Variants in ALDH1A2 observed in about 807,000 individuals in gnomAD.
ALDH1A2 encodes the protein retinal dehydrogenase 2.
A neutral mutation model predicts 60.3 loss-of-function variants in ALDH1A2; 27 were observed. The observed-to-expected ratio is 0.45, with a 90% confidence interval of 0.33 to 0.62. The LOEUF (loss-of-function observed/expected upper bound fraction) is 0.62. Among genes scored for constraint, ALDH1A2 ranks in the 20% least tolerant of loss-of-function variants. The pLI, the probability that ALDH1A2 is intolerant of heterozygous loss-of-function variation, is 0.02. For synonymous variants in ALDH1A2, 289 were observed against 232.4 expected (o/e 1.24, Z -2.21); for missense variants, 581 against 643.8 (o/e 0.90, Z 1.06).
chr15:57,989,762 C>T (rs1353222826), intron 7 of ALDH1A2, among the ~76,000 whole-genome samples: 2 of 151,588 alleles, frequency 1.3e-5, no homozygotes, highest in African/African-American at 4.9e-5. Context: ...TTTGAAGTAA[C>T]TAAACATTCA....
At chr15:57,956,213 AGAGGGGAG>A (rs1243026184) in intron 12 of ALDH1A2, among the ~76,000 whole-genome samples, 10 of 152,254 alleles carry the variant, frequency 6.6e-5, no homozygotes, top group South Asian at 2.1e-4. Context: ...AGGAAAGTAG[AGAGGGGAG>A]GAGGGAAGGA....
chr15:57,992,823 G>C lies in ALDH1A2; in HGVS notation c.685-5C>G, dbSNP rs1386487204. 6.2e-7 allele frequency: 1 copy of C among 1,613,968 alleles called. No individual in the cohort carries two copies. The highest frequency in any genetic ancestry group is 2.2e-5 in the East Asian group (1 of 44,890). On this transcript the variant is annotated splice_polypyrimidine_tract_variant and splice_region_variant and intron_variant, in intron 6 of 12. Transcript: ENST00000249750. ...GACCCCGGGAGGAAAGCCAGCCTAA[G>C]AAAACAGAACAGGAGGAAACGTGGC...
At chr15:57,982,075 T>C (rs1343018964) in intron 7 of ALDH1A2, among the ~76,000 whole-genome samples, 4 of 152,108 alleles carry the variant, frequency 2.6e-5, no homozygotes, top group African/African-American at 9.7e-5. Flanking sequence ...TTAATGTGGG[T>C]TAACAGATTA....
chr15:57,983,000 GTGT>G (rs1383945871), intron 7 of ALDH1A2, among the ~76,000 whole-genome samples: 3 of 152,116 alleles, frequency 2.0e-5, no homozygotes, highest in Non-Finnish European at 4.4e-5. Context: ...TCTTAGGGAT[GTGT>G]TGTTTGTTTT....
chr15:58,009,127 C>A (rs1452240690), intron 4 of ALDH1A2, among the ~76,000 whole-genome samples: 3 of 152,046 alleles, frequency 2.0e-5, no homozygotes, highest in Non-Finnish European at 4.4e-5. Context: ...AAAAATAATC[C>A]TTGGAAGTCT....
chr15:58,014,822 T>C (rs1895743007), intron 1 of ALDH1A2, among the ~76,000 whole-genome samples: 1 of 152,210 alleles, frequency 6.6e-6, no homozygotes, highest in South Asian at 2.1e-4. Flanking sequence ...CCAAGTTAGA[T>C]TTATTTCCCT....
Position 57,954,953 on chromosome 15 carries a change from T to A in ALDH1A2, c.*244A>T. On this transcript the variant is annotated 3_prime_UTR_variant, in exon 13 of 13. Transcript: ENST00000249750. Reference sequence around the variant, plus strand: ...ACTGGATGTGTCTGCTAGCTCCTCCTCCTCCCTTTATCCCACTTTCCCCAA... The same window carrying A: ...ACTGGATGTGTCTGCTAGCTCCTCCACCTCCCTTTATCCCACTTTCCCCAA... 1.7e-6 allele frequency: 1 copy of A among 582,996 alleles called. No homozygotes were observed. The allele number at this position is 582,996 out of a possible 1,614,324, so 36.1% of individuals were successfully genotyped here. A position where few individuals can be genotyped will look rare whatever the true frequency, so the allele number is the denominator to read the frequency against.
intron 7 of ALDH1A2, among the ~76,000 whole-genome samples, chr15:57,977,389 G>A (rs964569571): frequency 6.6e-6 from 1 of 152,156 alleles, no homozygotes; most frequent in African/African-American, 2.4e-5. Context: ...TTACGTTTAA[G>A]TCTTTAATCC....
intron 1 of ALDH1A2, among the ~76,000 whole-genome samples, chr15:58,051,476 T>C (rs1467974743): frequency 8.5e-5 from 13 of 152,060 alleles, no homozygotes; most frequent in African/African-American, 2.9e-4. Flanking sequence ...AACACAACAT[T>C]AGAAAACTCT....
intron 4 of ALDH1A2, among the ~76,000 whole-genome samples, chr15:58,002,358 A>C (rs1310146659): frequency 6.6e-6 from 1 of 151,958 alleles, no homozygotes; most frequent in Non-Finnish European, 1.5e-5. Context: ...GGGCCTTATC[A>C]AACTACACAG....
At chr15:58,053,265 T>C (rs74018835) in intron 1 of ALDH1A2, among the ~76,000 whole-genome samples, 368 of 152,296 alleles carry the variant, frequency 2.4e-3, no homozygotes, top group African/African-American at 8.5e-3. Context: ...TGAAGTCATG[T>C]GTGCCTATCA....
chr15:58,053,102 A>C (rs1337387562), intron 1 of ALDH1A2, among the ~76,000 whole-genome samples: 2 of 152,176 alleles, frequency 1.3e-5, no homozygotes, highest in African/African-American at 4.8e-5. Context: ...TAAAAATTTA[A>C]GTCCAAGAAA....
At chr15:58,045,991 T>C (rs564662506) in intron 1 of ALDH1A2, among the ~76,000 whole-genome samples, 1 of 152,076 alleles carries the variant, frequency 6.6e-6, no homozygotes, top group Non-Finnish European at 1.5e-5. Flanking sequence ...TTTCAAAGCG[T>C]CTTAGATTCT....
intron 12 of ALDH1A2, among the ~76,000 whole-genome samples, chr15:57,957,704 A>C (rs2140444120): frequency 6.6e-6 from 1 of 152,312 alleles, no homozygotes. Flanking sequence ...GCACACCTAG[A>C]GGCTTTAAGG....
chr15:57,955,541 T>C (rs1596060146), intron 12 of ALDH1A2, among the ~76,000 whole-genome samples: 1 of 152,252 alleles, frequency 6.6e-6, no homozygotes, highest in African/African-American at 2.4e-5. Context: ...TTCACAATAC[T>C]GCACAGACAG....
chr15:57,975,996 T>C (rs1240331155), intron 7 of ALDH1A2, among the ~76,000 whole-genome samples: 3 of 152,238 alleles, frequency 2.0e-5, no homozygotes, highest in Admixed American at 1.3e-4. Context: ...ATATCAATTA[T>C]ACTACAATAA....
chr15:58,014,188 C>T lies in ALDH1A2; in HGVS notation c.211G>A (p.Glu71Lys). The change falls in exon 2 of 13, where the codon GAA becomes AAA. Residue 71 changes from glutamate (E) to lysine (K), a missense_variant. Around this residue, in one of 2 missense-constraint regions of ALDH1A2, gnomAD observed 206 missense variants for 174.1 expected, o/e 1.18. Transcript: ENST00000249750. ...TACAAAAGACATACCTTGTCTGCTT[C>T]TTGAACTTCACACACCTGTTCTCCT... ...ATGEQVCEVQ[E>K]ADKADIDKAV... The T allele has an allele frequency of 6.2e-7, 1 of 1,614,144 alleles. No individual in the cohort carries two copies. The highest frequency in any genetic ancestry group is 8.5e-7 in the Non-Finnish European group (1 of 1,179,992).
At chr15:58,037,272 A>G (rs1221461960) in intron 1 of ALDH1A2, among the ~76,000 whole-genome samples, 1 of 151,790 alleles carries the variant, frequency 6.6e-6, no homozygotes, top group Non-Finnish European at 1.5e-5. Context: ...AAAAAGAATT[A>G]TGAGAAAAGA....
At chr15:57,964,147 C>G in intron 8 of ALDH1A2, 78 bp from the exon 9 acceptor site, 1 of 1,510,998 alleles carries the variant, frequency 6.6e-7, no homozygotes, top group Non-Finnish European at 9.1e-7. Flanking sequence ...CCTCCCCTCT[C>G]CAAAGCCCTA....
Sources: gnomAD v4.1 joint callset for allele counts (sites outside exome capture counted in the v4.1 genomes callset) on GRCh38, gnomAD v4.1.1 for gene constraint, gnomAD v4.1.1 regional missense constraint, MANE v1.5 for transcripts, NCBI Gene and HGNC (gene_info 2026-07-23, HGNC 2026-07-21) for gene names.